The following FOXJ2 variants were observed in gnomAD, a reference collection of about 807,000 sequenced individuals.
FOXJ2 encodes the protein forkhead box J2.
FOXJ2 carries 18 observed loss-of-function variants against 68.4 expected under a neutral mutation model. That is an observed-to-expected ratio of 0.26 (90% CI 0.18 to 0.39). FOXJ2 has a LOEUF of 0.39. Among genes scored for constraint, FOXJ2 ranks in the 10% least tolerant of loss-of-function variants. The pLI is 1.00. For missense variants in FOXJ2, 670 were observed against 726.5 expected, an observed-to-expected ratio of 0.92 and a Z score of 0.89; for synonymous variants, 274 against 263.2, an observed-to-expected ratio of 1.04 and a Z score of -0.40.
At position 8,048,809 on chromosome 12, in the gene FOXJ2, A is replaced by G; in HGVS notation, c.1327+11A>G. The G allele has an allele frequency of 6.2e-7, 1 of 1,611,404 alleles. No individual in the cohort carries two copies. The highest frequency in any genetic ancestry group is 8.5e-7 in the Non-Finnish European group (1 of 1,177,826). On this transcript the variant is annotated intron_variant, in intron 8 of 10. Coordinates refer to ENST00000162391, the MANE Select transcript of FOXJ2 (RefSeq NM_018416.3). ...AGTCACAATTCTCAGGTTAGTGATC[A>G]AAGGACGAAGGAAGAGAGGGATACA...
intron 6 of FOXJ2, among the ~76,000 whole-genome samples, chr12:8,046,674 G>A (rs1230774838): frequency 2.6e-5 from 4 of 152,188 alleles, no homozygotes; most frequent in East Asian, 1.9e-4. Context: ...CTGTGTGTTC[G>A]TTTTTTAAAT....
At position 8,042,678 on chromosome 12, in the gene FOXJ2, T is replaced by C. The variant is rs780742030; in HGVS notation, c.354T>C (p.Leu118=). ...TCCAGAATTCAATACGGCACAACCT[T>C]TCTCTCAACAAGTGTTTCCGGAAGG... ...IGWKNSIRHN[L]SLNKCFRKVP... is the part of the protein sequence containing the mutation. Residue 118 remains leucine (L), a synonymous_variant, in exon 3 of 11, where the codon CTT becomes CTC. Coordinates refer to ENST00000162391, the MANE Select transcript of FOXJ2 (RefSeq NM_018416.3). The C allele has an allele frequency of 9.3e-6, 15 of 1,614,062 alleles. No individual in the cohort carries two copies. The highest frequency in any genetic ancestry group is 1.7e-5 in the Admixed American group (1 of 60,000).
rs949163174 is a variant in FOXJ2 at position 8,053,878 on chromosome 12, C to A, written c.*1028C>A. 2 of 152,066 alleles carry A rather than the reference C, an allele frequency of 1.3e-5. No homozygotes were observed. Among genetic ancestry groups the A allele is most frequent in the African/African-American group, 4.8e-5 (2 of 41,422 alleles). 9.4% of individuals were successfully genotyped at this position (152,066 alleles called of 1,614,324 possible). A position where few individuals can be genotyped will look rare whatever the true frequency, so the allele number is the denominator to read the frequency against. On this transcript the variant is annotated 3_prime_UTR_variant, in exon 11 of 11. Coordinates refer to ENST00000162391, the MANE Select transcript of FOXJ2 (RefSeq NM_018416.3). The surrounding 1 kb of genome is among the most constrained non-coding windows in gnomAD (Gnocchi z 4.1). The stretch of plus-strand genomic sequence containing the variant: ...CCCAAATCTTCCACCCATCTTTTTT[C>A]TTCCCTCATTTTCTGGGATTCTCAA...
intron 9 of FOXJ2, 110 bp from the exon 10 acceptor site, chr12:8,050,412 G>T: frequency 6.8e-7 from 1 of 1,470,750 alleles, no homozygotes; most frequent in South Asian, 1.4e-5. Context: ...GAACAGGGCA[G>T]GGAAGAGAGA....
chr12:8,046,649 G>A (rs1295466297), intron 6 of FOXJ2, among the ~76,000 whole-genome samples: 6 of 152,114 alleles, frequency 3.9e-5, no homozygotes, highest in Non-Finnish European at 8.8e-5. Flanking sequence ...CATCTGGTTC[G>A]GCCCTCTGCA....
chr12:8,047,883 C>A lies in FOXJ2; in HGVS notation c.819C>A (p.Gly273=). The change falls in exon 7 of 11, where the codon GGC becomes GGA. Residue 273 remains glycine, a splice_region_variant and synonymous_variant. Transcript: ENST00000162391. ...TGCCTGCTTCCTCCCCACCTGCAGG[C>A]TTTTCTTCTCTCCTGGGGGACATCC... ...LEKSSSSSQH[G]FSSLLGDIPP... is the part of the protein sequence containing the mutation. The A allele has an allele frequency of 1.3e-6, 2 of 1,570,806 alleles. No homozygotes were observed. Among genetic ancestry groups the A allele is most frequent in the Admixed American group, 1.8e-5 (1 of 55,824 alleles).
rs1946888748 is a variant in FOXJ2, at chr12:8,035,891, G to C, written c.-15+2058G>C. Among the ~76,000 whole-genome samples the C allele has an allele frequency of 6.6e-6, 1 of 152,130 alleles. No individual in the cohort carries two copies. Among genetic ancestry groups the C allele is most frequent in the Non-Finnish European group, 1.5e-5 (1 of 68,040 alleles). Reference sequence around the variant, plus strand: ...CCTGATCCTAGCATTAGCCAGTACTGGGTGATATTATCTCTAAAGGAAAAG... The same window carrying C: ...CCTGATCCTAGCATTAGCCAGTACTCGGTGATATTATCTCTAAAGGAAAAG... On this transcript the variant is annotated intron_variant, in intron 1 of 10. Transcript: ENST00000162391. This position sits in a 1 kb window ranked among gnomAD's most constrained non-coding sequence, Gnocchi z 4.0.
chr12:8,035,634 A>G lies in FOXJ2; in HGVS notation c.-15+1801A>G, dbSNP rs1224421218. Among the ~76,000 whole-genome samples, 1 of 152,184 alleles carries G rather than the reference A, an allele frequency of 6.6e-6. No homozygotes were observed. The highest frequency in any genetic ancestry group is 1.5e-5 in the Non-Finnish European group (1 of 68,030). Reference sequence around the variant, plus strand: ...CTGCCTGAATGGCTCAGGGTGAACTATATCACAACATCTCCAAGTACACCA... The same window carrying G: ...CTGCCTGAATGGCTCAGGGTGAACTGTATCACAACATCTCCAAGTACACCA... On this transcript the variant is annotated intron_variant, in intron 1 of 10. Transcript: ENST00000162391. This position sits in a 1 kb window ranked among gnomAD's most constrained non-coding sequence, Gnocchi z 4.0.
In FOXJ2 at chr12:8,054,932, G is replaced by A. The variant is rs1020624018; in HGVS notation, c.*2082G>A. On this transcript the variant is annotated 3_prime_UTR_variant, in exon 11 of 11. Coordinates refer to ENST00000162391, the MANE Select transcript of FOXJ2 (RefSeq NM_018416.3). ...ATCCATACAGGATTTGCAAGGGTAG[G>A]ATCATACATGCAAATGCCCCTTGTT... The A allele has an allele frequency of 4.6e-5, 7 of 152,194 alleles. No individual in the cohort carries two copies. Among genetic ancestry groups the A allele is most frequent in the African/African-American group, 1.7e-4 (7 of 41,436 alleles). 9.4% of individuals were successfully genotyped at this position (152,194 alleles called of 1,614,324 possible).
In FOXJ2 at chr12:8,035,738, G is replaced by A. The variant is rs80130709; in HGVS notation, c.-15+1905G>A. On this transcript the variant is annotated intron_variant, in intron 1 of 10. Transcript: ENST00000162391. This position sits in a 1 kb window ranked among gnomAD's most constrained non-coding sequence, Gnocchi z 4.0. Reference sequence around the variant, plus strand: ...CTTCTCTGGAATCAGTTAGAAGTAGGTGGCTACTGAGTGGGATTAACTGTG... The same window carrying A: ...CTTCTCTGGAATCAGTTAGAAGTAGATGGCTACTGAGTGGGATTAACTGTG... Among the ~76,000 whole-genome samples the A allele has an allele frequency of 8.3e-3, 1,270 of 152,256 alleles. 11 individuals carry two copies. Among genetic ancestry groups the A allele is most frequent in the Middle Eastern group, 0.02 (6 of 294 alleles).
At position 8,039,900 on chromosome 12, in the gene FOXJ2, C is replaced by A. The variant is rs1295878775; in HGVS notation, c.68C>A (p.Thr23Asn). ...DWLPQLTLRA[T>N]IEKLGSASQA... is the part of the protein sequence containing the mutation. The stretch of plus-strand genomic sequence containing the variant: ...CTCCCCCAGCTGACCCTCCGAGCTA[C>A]CATTGAGAAGCTTGGAAGTGCCTCC... Residue 23 changes from threonine (T) to asparagine (N), a missense_variant, in exon 2 of 11, where the codon ACC (threonine) becomes AAC (asparagine). By Grantham distance (65) the Thr-to-Asn change is moderately conservative. Transcript: ENST00000162391. The A allele has an allele frequency of 6.2e-7, 1 of 1,614,058 alleles. No individual in the cohort carries two copies. The highest frequency in any genetic ancestry group is 2.2e-5 in the East Asian group (1 of 44,882).
chr12:8,042,742 T>C lies in FOXJ2; in HGVS notation c.408+10T>C, dbSNP rs1591577496. ...GGATGACCCTGGGAAGGTAAGATAC[T>C]ACTGTAAGCATTGAAAGGAGGAGTA... On this transcript the variant is annotated intron_variant, in intron 3 of 10. Coordinates refer to ENST00000162391, the MANE Select transcript of FOXJ2 (RefSeq NM_018416.3). 1.2e-6 allele frequency: 2 copies of C among 1,608,590 alleles called. No individual in the cohort carries two copies. The highest frequency in any genetic ancestry group is 1.7e-5 in the Admixed American group (1 of 60,002).
At position 8,040,212 on chromosome 12, in the gene FOXJ2, C is replaced by A. The variant is rs1283932294; in HGVS notation, c.333+47C>A. The A allele has an allele frequency of 6.4e-7, 1 of 1,566,194 alleles. No individual in the cohort carries two copies. The highest frequency in any genetic ancestry group is 8.7e-7 in the Non-Finnish European group (1 of 1,148,100). ...TGGCTTAGGTTTAGGCTTCAACAGC[C>A]TTTTTAGAGAAAAAGGTTTTGTTTC... On this transcript the variant is annotated intron_variant, in intron 2 of 10. Coordinates refer to ENST00000162391, the MANE Select transcript of FOXJ2 (RefSeq NM_018416.3). This position sits in a 1 kb window ranked among gnomAD's most constrained non-coding sequence, Gnocchi z 4.0.
intron 9 of FOXJ2, chr12:8,050,203 T>C (rs1284885056): frequency 7.0e-6 from 3 of 429,992 alleles, no homozygotes; most frequent in African/African-American, 6.3e-5. Context: ...TTCAAACTCT[T>C]GGACTCAAGG....
rs141884173 is a variant in FOXJ2 at position 8,043,468 on chromosome 12, GC to G, written c.409-231del. ...GGATGCTAAAGTCCAAGCAAGTTTT[GC>G]CTCAGGTCAGAAGGGAAGGGAGAGG... is the stretch of plus-strand genomic sequence containing the variant. On this transcript the variant is annotated intron_variant, in intron 3 of 10. Transcript: ENST00000162391. Among the ~76,000 whole-genome samples the G allele has an allele frequency of 1.4e-3, 218 of 152,194 alleles. 1 individual carries two copies. The East Asian group carries it at 0.034, about 24-fold the overall frequency.
intron 1 of FOXJ2, among the ~76,000 whole-genome samples, chr12:8,034,183 A>G (rs1210842406): frequency 6.6e-6 from 1 of 152,180 alleles, no homozygotes; most frequent in Non-Finnish European, 1.5e-5. Flanking sequence ...CAGTGGTAAG[A>G]TTCCCATACC....
rs944383797 is a variant in FOXJ2 at position 8,038,024 on chromosome 12, G to A, written c.-14-1795G>A. Among the ~76,000 whole-genome samples, 6 of 152,156 alleles carry A rather than the reference G, an allele frequency of 3.9e-5. No homozygotes were observed. Among genetic ancestry groups the A allele is most frequent in the African/African-American group, 1.4e-4 (6 of 41,434 alleles). On this transcript the variant is annotated intron_variant, in intron 1 of 10. Transcript: ENST00000162391. This position sits in a 1 kb window ranked among gnomAD's most constrained non-coding sequence, Gnocchi z 5.3. ...CATGACGCTATTTATAAACATGCCAGCCCCCCTCGCTCCGCCCCTTTTCTC... is the reference window on the plus strand; with the variant it reads ...CATGACGCTATTTATAAACATGCCAACCCCCCTCGCTCCGCCCCTTTTCTC...
chr12:8,045,532 A>G (rs1947025509), intron 6 of FOXJ2, among the ~76,000 whole-genome samples: 1 of 152,066 alleles, frequency 6.6e-6, no homozygotes, highest in African/African-American at 2.4e-5. Flanking sequence ...TTGTATTTTT[A>G]GTAGAGACAG....
intron 1 of FOXJ2, among the ~76,000 whole-genome samples, chr12:8,036,505 C>T (rs749641795): frequency 6.6e-6 from 1 of 152,278 alleles, no homozygotes; most frequent in South Asian, 2.1e-4. Context: ...AGTCTTCCAG[C>T]ACACAGAGAA....
Sources: allele counts gnomAD v4.1 joint callset (sites outside exome capture counted in the v4.1 genomes callset), GRCh38; gene constraint gnomAD v4.1.1; non-coding constraint Gnocchi (gnomAD v3.1); transcripts MANE v1.5; gene names NCBI Gene and HGNC (gene_info 2026-07-23, HGNC 2026-07-21).